IPO11: variants seen among roughly 807,000 people sequenced by gnomAD.
IPO11 encodes importin 11.
In IPO11, 66 loss-of-function variants were observed where a neutral mutation model predicts 143.2. That is an observed-to-expected ratio of 0.46 (90% confidence interval 0.38 to 0.57). The LOEUF is 0.57. Ranked by LOEUF, IPO11 falls within the 20% of genes least tolerant of loss-of-function variation. The pLI, the probability that IPO11 is intolerant of heterozygous loss-of-function variation, is 0.00. For missense variants in IPO11, 1,026 were observed against 1,141.0 expected (o/e 0.90, Z 1.45); for synonymous variants, 385 against 377.8 (o/e 1.02, Z -0.22).
chr5:62,420,020 G>GA (rs1743445695), intron 1 of IPO11, among the ~76,000 whole-genome samples: 1 of 152,092 alleles, frequency 6.6e-6, no homozygotes, highest in Non-Finnish European at 1.5e-5. Context: ...GCTGGGCGTG[G>GA]TGGCTCACGC....
intron 24 of IPO11, among the ~76,000 whole-genome samples, chr5:62,541,718 A>AT (rs964386413): frequency 6.6e-6 from 1 of 151,686 alleles, no homozygotes; most frequent in Non-Finnish European, 1.5e-5. Context: ...ATTTTATTTT[A>AT]TTTTTTTTGG....
chr5:62,551,019 GTATA>G (rs373267363), intron 25 of IPO11, among the ~76,000 whole-genome samples, 200 bp from the exon 26 acceptor site: 4 of 144,338 alleles, frequency 2.8e-5, no homozygotes, highest in Non-Finnish European at 4.5e-5. Context: ...TCTCTTTATT[GTATA>G]TATATATATA....
intron 20 of IPO11, 110 bp downstream of exon 20, chr5:62,515,611 C>T: frequency 1.7e-6 from 1 of 597,902 alleles, no homozygotes; most frequent in East Asian, 3.2e-5. Context: ...TGAAAAACTT[C>T]ACATATCTTT....
chr5:62,424,865 A>G (rs1012863326), intron 1 of IPO11, among the ~76,000 whole-genome samples: 1 of 152,082 alleles, frequency 6.6e-6, no homozygotes, highest in African/African-American at 2.4e-5. Flanking sequence ...TTTATGCTAG[A>G]CATTGCCTTT....
At chr5:62,457,155 C>G (rs1187147445) in intron 5 of IPO11, among the ~76,000 whole-genome samples, 3 of 152,076 alleles carry the variant, frequency 2.0e-5, no homozygotes, top group Non-Finnish European at 4.4e-5. Flanking sequence ...ATGGCTAAAA[C>G]TTAGCTGAAT....
intron 24 of IPO11, 79 bp from the exon 25 acceptor site, chr5:62,550,288 G>A: frequency 9.4e-7 from 1 of 1,066,348 alleles, no homozygotes; most frequent in Non-Finnish European, 1.4e-6. Context: ...ACTTATTTTA[G>A]TACATTGTTT....
chr5:62,449,760 C>G (rs1268128632), intron 3 of IPO11, 167 bp from the exon 4 acceptor site: 1 of 450,830 alleles, frequency 2.2e-6, no homozygotes, highest in Non-Finnish European at 4.0e-6. Flanking sequence ...TGTTAAAGTT[C>G]ACAGTAGTGC....
intron 3 of IPO11, among the ~76,000 whole-genome samples, chr5:62,446,924 G>A (rs923649238): frequency 6.6e-6 from 1 of 151,482 alleles, no homozygotes; most frequent in African/African-American, 2.4e-5. Context: ...CTGAGATCAT[G>A]CCACTGTACT....
intron 20 of IPO11, among the ~76,000 whole-genome samples, chr5:62,523,086 G>C (rs1013194576): frequency 2.0e-5 from 3 of 152,138 alleles, no homozygotes; most frequent in Non-Finnish European, 4.4e-5. Context: ...CTCCCCTGCT[G>C]GATTTTAGTT....
intron 29 of IPO11, among the ~76,000 whole-genome samples, chr5:62,624,019 T>TC (rs1399778278): frequency 2.0e-5 from 3 of 151,260 alleles, no homozygotes; most frequent in African/African-American, 7.3e-5. Context: ...TGAGGGTTCC[T>TC]CCCCCCACCG....
At chr5:62,555,360 G>A (rs113738328) in intron 26 of IPO11, among the ~76,000 whole-genome samples, 2,485 of 151,582 alleles carry the variant, frequency 0.016, 64 homozygotes, top group African/African-American at 0.058. Context: ...CATCATCCAG[G>A]CTAGAATGCA....
rs201675317 is a variant in IPO11 at position 62,555,350 on chromosome 5, C to T, written c.2460+4014C>T. 2.2e-4 allele frequency among the ~76,000 whole-genome samples: 34 copies of T among 151,642 alleles called. No individual in the cohort carries two copies. The East Asian group carries it at 5.8e-3, about 26-fold the overall frequency. ...AATTTTGAGAGACAGAGTCTCACTCCATCATCCAGGCTAGAATGCAGTGGC... is the reference window on the plus strand; with the variant it reads ...AATTTTGAGAGACAGAGTCTCACTCTATCATCCAGGCTAGAATGCAGTGGC... On this transcript the variant is annotated intron_variant, in intron 26 of 29. Coordinates refer to ENST00000325324, the MANE Select transcript of IPO11 (RefSeq NM_016338.5).
At chr5:62,517,649 TG>T (rs1742072057) in intron 20 of IPO11, among the ~76,000 whole-genome samples, 1 of 152,164 alleles carries the variant, frequency 6.6e-6, no homozygotes, top group African/African-American at 2.4e-5. Flanking sequence ...GTGATTTGCT[TG>T]CCTTGGCCTC....
rs1158411384 is a variant in IPO11 at position 62,412,830 on chromosome 5, G to C, written c.-106G>C. The C allele has an allele frequency of 6.5e-6, 1 of 152,734 alleles. No individual in the cohort carries two copies. The highest frequency in any genetic ancestry group is 2.4e-5 in the African/African-American group (1 of 41,468). The allele number at this position is 152,734 out of a possible 1,614,324, so 9.5% of individuals were successfully genotyped here. A position where few individuals can be genotyped will look rare whatever the true frequency, so the allele number is the denominator to read the frequency against. ...GCCGCTTTCGGCATCAGTAGGCGGC[G>C]GCGTGGGGTCTGGCAGCGTGGGGAG... On this transcript the variant is annotated 5_prime_UTR_variant, in exon 1 of 30. Coordinates refer to ENST00000325324, the MANE Select transcript of IPO11 (RefSeq NM_016338.5).
At chr5:62,544,430 C>T (rs1580306764) in intron 24 of IPO11, among the ~76,000 whole-genome samples, 3 of 152,100 alleles carry the variant, frequency 2.0e-5, no homozygotes, top group South Asian at 2.1e-4. Context: ...TCAATAAATT[C>T]GGTATTGATG....
At chr5:62,576,292 G>A (rs1162334361) in intron 27 of IPO11, 2 of 152,976 alleles carry the variant, frequency 1.3e-5, no homozygotes, top group Non-Finnish European at 2.9e-5. Flanking sequence ...TAGAAGTCAT[G>A]TTCCAAGCAG....
chr5:62,502,235 A>G (rs980420631), intron 16 of IPO11, among the ~76,000 whole-genome samples: 2 of 151,966 alleles, frequency 1.3e-5, no homozygotes, highest in African/African-American at 4.8e-5. Flanking sequence ...CTTTTCCTGA[A>G]TTTTCTGAGG....
intron 27 of IPO11, chr5:62,580,698 T>G (rs762465130): frequency 2.3e-5 from 36 of 1,551,326 alleles, no homozygotes; most frequent in Non-Finnish European, 3.0e-5. Flanking sequence ...TTGTAAAATC[T>G]CCTCATATTC....
chr5:62,626,636 A>G lies in IPO11; in HGVS notation c.2764-518A>G, dbSNP rs1002450253. The stretch of plus-strand genomic sequence containing the variant: ...TGAAATTACACTCCTTTTGTTTTCC[A>G]AATATCCCAGTGGGAGACGAGGAGT... On this transcript the variant is annotated intron_variant, in intron 29 of 29. Transcript: ENST00000325324. 4.0e-5 allele frequency among the ~76,000 whole-genome samples: 6 copies of G among 150,678 alleles called. 1 individual carries two copies. The highest frequency in any genetic ancestry group is 1.5e-4 in the African/African-American group (6 of 41,066).
Sources: allele counts gnomAD v4.1 joint callset (sites outside exome capture counted in the v4.1 genomes callset), GRCh38; gene constraint gnomAD v4.1.1; transcripts MANE v1.5; gene names NCBI Gene and HGNC (gene_info 2026-07-23, HGNC 2026-07-21).